Variants in TAFA4 observed in about 807,000 individuals in gnomAD.
TAFA4 encodes TAFA chemokine like family member 4.
In TAFA4, 20 loss-of-function variants were observed where a neutral mutation model predicts 21.1. The ratio of observed to expected loss-of-function variants is 0.95; its 90% CI spans 0.67 to 1.38. TAFA4 has a LOEUF of 1.38. Among genes scored for constraint, TAFA4 ranks in the 40% most tolerant of loss-of-function variants. The pLI is 0.00. For synonymous variants in TAFA4, 71 were observed against 67.4 expected, an observed-to-expected ratio of 1.05 and a Z score of -0.26; for missense variants, 211 against 180.9, an observed-to-expected ratio of 1.17 and a Z score of -0.95.
chr3:68,772,295 G>T (rs530832858), intron 3 of TAFA4, among the ~76,000 whole-genome samples: 1 of 152,296 alleles, frequency 6.6e-6, no homozygotes, highest in Admixed American at 6.5e-5. Context: ...GGATATTAAG[G>T]AATACTTAAA....
intron 3 of TAFA4, among the ~76,000 whole-genome samples, chr3:68,841,027 A>C (rs1321617813): frequency 2.6e-5 from 4 of 152,156 alleles, no homozygotes; most frequent in African/African-American, 9.7e-5. Flanking sequence ...TTTCCTCTAC[A>C]AGGCTAAATA....
At chr3:68,784,407 A>C (rs1330597036) in intron 3 of TAFA4, among the ~76,000 whole-genome samples, 2 of 151,394 alleles carry the variant, frequency 1.3e-5, no homozygotes, top group African/African-American at 4.9e-5. Flanking sequence ...ATGTGTTTGG[A>C]GTTTCTTCCT....
chr3:68,856,458 TA>T (rs1266787831), intron 3 of TAFA4, among the ~76,000 whole-genome samples: 6 of 152,148 alleles, frequency 3.9e-5, no homozygotes, highest in Non-Finnish European at 8.8e-5. Context: ...CCAAACGCTT[TA>T]CCTATTCCCT....
chr3:68,787,286 A>T (rs551068108), intron 3 of TAFA4, among the ~76,000 whole-genome samples: 1 of 152,312 alleles, frequency 6.6e-6, no homozygotes, highest in Admixed American at 6.5e-5. Flanking sequence ...CTAACCCCCT[A>T]CACTCACTAT....
At chr3:68,841,342 A>G (rs1288452807) in intron 3 of TAFA4, among the ~76,000 whole-genome samples, 4 of 151,358 alleles carry the variant, frequency 2.6e-5, no homozygotes, top group Admixed American at 2.0e-4. Flanking sequence ...AAAAATAAAA[A>G]AAAATAAAAT....
chr3:68,871,839 A>T (rs2089486356), intron 3 of TAFA4, among the ~76,000 whole-genome samples: 1 of 152,166 alleles, frequency 6.6e-6, no homozygotes, highest in South Asian at 2.1e-4. Context: ...TGCAAGTCAA[A>T]ACCACACTGA....
Position 68,733,006 on chromosome 3 carries a change from C to G in TAFA4, c.*136G>C. ...TGGGCCAGTTAAGTGAATGCCACCT[C>G]TCACAGCTCACATATACAAATATGA... On this transcript the variant is annotated 3_prime_UTR_variant, in exon 6 of 6. Transcript: ENST00000295569. The G allele has an allele frequency of 8.8e-7, 1 of 1,141,636 alleles. No homozygotes were observed. Among genetic ancestry groups the G allele is most frequent in the South Asian group, 1.5e-5 (1 of 64,550 alleles). 70.7% of individuals were successfully genotyped at this position (1,141,636 alleles called of 1,614,324 possible). A position where few individuals can be genotyped will look rare whatever the true frequency, so the allele number is the denominator to read the frequency against.
intron 4 of TAFA4, among the ~76,000 whole-genome samples, chr3:68,747,565 C>T (rs1222124397): frequency 2.0e-5 from 3 of 152,148 alleles, no homozygotes; most frequent in African/African-American, 7.2e-5. Flanking sequence ...ACTGTGAGTC[C>T]ATTAAACCTC....
At chr3:68,895,006 A>C (rs1360260827) in intron 1 of TAFA4, among the ~76,000 whole-genome samples, 1 of 151,082 alleles carries the variant, frequency 6.6e-6, no homozygotes, top group Non-Finnish European at 1.5e-5. Context: ...GGTGCATACC[A>C]CCATGCTGGG....
chr3:68,857,616 A>G (rs767195316), intron 3 of TAFA4, among the ~76,000 whole-genome samples: 1 of 152,172 alleles, frequency 6.6e-6, no homozygotes, highest in Non-Finnish European at 1.5e-5. Flanking sequence ...GTAAATACAT[A>G]TACATATATT....
chr3:68,875,009 T>C (rs1303767072), intron 3 of TAFA4, among the ~76,000 whole-genome samples: 1 of 152,128 alleles, frequency 6.6e-6, no homozygotes, highest in East Asian at 1.9e-4. Flanking sequence ...CAACGGAGGC[T>C]AGTGGAATCC....
At chr3:68,796,303 G>A (rs889385138) in intron 3 of TAFA4, among the ~76,000 whole-genome samples, 1 of 152,094 alleles carries the variant, frequency 6.6e-6, no homozygotes, top group Admixed American at 6.6e-5. Context: ...CAGATTTAAA[G>A]AAATTATACA....
intron 3 of TAFA4, among the ~76,000 whole-genome samples, chr3:68,783,727 AAG>A (rs1423871925): frequency 1.3e-5 from 2 of 149,998 alleles, no homozygotes; most frequent in Non-Finnish European, 3.0e-5. Flanking sequence ...GAAAGAAAGA[AAG>A]AAAGAAAGAA....
At chr3:68,920,373 C>G (rs2090046956) in intron 1 of TAFA4, among the ~76,000 whole-genome samples, 1 of 152,154 alleles carries the variant, frequency 6.6e-6, no homozygotes, top group African/African-American at 2.4e-5. Context: ...TCACATTATA[C>G]TTTTTAAATA....
chr3:68,752,769 G>C, intron 4 of TAFA4, 94 bp downstream of exon 4: 1 of 1,506,530 alleles, frequency 6.6e-7, no homozygotes, highest in Admixed American at 1.7e-5. Flanking sequence ...GCAACCCTAG[G>C]TTTCTTTGGG....
intron 3 of TAFA4, among the ~76,000 whole-genome samples, chr3:68,865,376 G>T (rs979285281): frequency 6.6e-6 from 1 of 151,864 alleles, no homozygotes; most frequent in Non-Finnish European, 1.5e-5. Context: ...ATCCCCATGT[G>T]TCATGGGGAG....
chr3:68,795,111 G>A (rs1703431623), intron 3 of TAFA4, among the ~76,000 whole-genome samples: 1 of 151,270 alleles, frequency 6.6e-6, no homozygotes, highest in South Asian at 2.1e-4. Context: ...TAAAATAAAG[G>A]ACAGATTCCA....
At chr3:68,859,082 C>T (rs1401399954) in intron 3 of TAFA4, among the ~76,000 whole-genome samples, 1 of 151,790 alleles carries the variant, frequency 6.6e-6, no homozygotes, top group Non-Finnish European at 1.5e-5. Context: ...CAGTGTTGTG[C>T]CAATTTAGGA....
chr3:68,835,706 T>C (rs6784291), intron 3 of TAFA4, among the ~76,000 whole-genome samples: 47,176 of 152,122 alleles, frequency 0.31, 7,731 homozygotes, highest in Non-Finnish European at 0.37. Context: ...ACAGGTGACA[T>C]AATTAGGTCA....
Sources: gnomAD v4.1 joint callset for allele counts (sites outside exome capture counted in the v4.1 genomes callset) on GRCh38, gnomAD v4.1.1 for gene constraint, MANE v1.5 for transcripts, NCBI Gene and HGNC (gene_info 2026-07-23, HGNC 2026-07-21) for gene names.